DNAH17: variants seen among roughly 807,000 people sequenced by gnomAD.
DNAH17 encodes the protein dynein axonemal heavy chain 17.
In DNAH17, 376 loss-of-function variants were observed where a neutral mutation model predicts 485.6. That is an observed-to-expected ratio of 0.77 (90% CI 0.71 to 0.84). DNAH17 has a LOEUF of 0.84. Among genes scored for constraint, DNAH17 ranks in the 40% least tolerant of loss-of-function variants. The pLI, the probability that DNAH17 is intolerant of heterozygous loss-of-function variation, is 0.00. For synonymous variants in DNAH17, 3,031 were observed against 2,405.9 expected, an observed-to-expected ratio of 1.26 and a Z score of -7.60; for missense variants, 6,370 against 5,839.3, an observed-to-expected ratio of 1.09 and a Z score of -2.96.
chr17:78,427,830 G>A (rs901737731), intron 77 of DNAH17, among the ~76,000 whole-genome samples: 3 of 152,174 alleles, frequency 2.0e-5, no homozygotes, highest in African/African-American at 7.2e-5. Context: ...TTAGCCAGGT[G>A]TGGTGGCAGG....
Position 78,507,629 on chromosome 17 carries a change from C to G in DNAH17, c.4413G>C (p.Glu1471Asp). The change falls in exon 28 of 81, where the codon GAG (glutamate) becomes GAC (aspartate). Residue 1471 changes from glutamate to aspartate, a missense_variant. Transcript: ENST00000389840. ...MSKYLAHFLK[E>D]VTSWQQKLST... ...ACAGCTTCTGCTGCCAGCTTGTCAC[C>G]TCCTTCAGGAAGTGGGCCAGGTACT... 6.2e-7 allele frequency: 1 copy of G among 1,614,144 alleles called. No individual in the cohort carries two copies. The highest frequency in any genetic ancestry group is 8.5e-7 in the Non-Finnish European group (1 of 1,180,026).
intron 19 of DNAH17, 144 bp from the exon 20 acceptor site, chr17:78,532,880 T>C: frequency 9.7e-7 from 1 of 1,032,228 alleles, no homozygotes; most frequent in East Asian, 2.7e-5. Context: ...TTTTCCAGCC[T>C]GGGCCGATCA....
rs1327383156 is a variant in DNAH17 at position 78,450,394 on chromosome 17, C to T, written c.10900G>A (p.Val3634Met). ...KHTASEIEEK[V>M]VEAKITEVKI... ...ACTTCTGTGATTTTTGCCTCCACCACCTCGACACAAACAAAAGGGGTGTGA... is the reference window on the plus strand; with the variant it reads ...ACTTCTGTGATTTTTGCCTCCACCATCTCGACACAAACAAAAGGGGTGTGA... The change falls in exon 68 of 81, where the codon GTG becomes ATG. Residue 3634 changes from valine (V) to methionine (M), a missense_variant and splice_region_variant. Transcript: ENST00000389840. 3.1e-6 allele frequency: 5 copies of T among 1,613,728 alleles called. No individual in the cohort carries two copies. The South Asian group carries it at 5.5e-5, about 18-fold the overall frequency.
At chr17:78,525,219 C>G (rs1427134129) in intron 24 of DNAH17, 58 bp from the exon 25 acceptor site, 56 of 1,576,440 alleles carry the variant, frequency 3.6e-5, no homozygotes, top group Non-Finnish European at 4.6e-5. Flanking sequence ...TGCCCCACCC[C>G]ACTCCCCGAC....
intron 18 of DNAH17, 125 bp downstream of exon 18, chr17:78,539,612 A>G (rs892958386): frequency 7.7e-6 from 7 of 911,972 alleles, no homozygotes; most frequent in African/African-American, 5.2e-5. Context: ...AGTAGATTGC[A>G]TAAGATATAT....
At chr17:78,518,790 T>C (rs1370263331) in intron 25 of DNAH17, among the ~76,000 whole-genome samples, 2 of 152,192 alleles carry the variant, frequency 1.3e-5, no homozygotes, top group African/African-American at 4.8e-5. Flanking sequence ...ATGAAAGTTA[T>C]ATACAGTGTG....
chr17:78,468,902 C>T lies in DNAH17; in HGVS notation c.8512-19G>A, dbSNP rs370594286. ...GGTCAATCTGGACGGAGTGAGGACA[C>T]GCTTAGGGGCCTTGGTAAAAAGATG... is the stretch of plus-strand genomic sequence containing the variant. On this transcript the variant is annotated intron_variant, in intron 54 of 80. Transcript: ENST00000389840. The T allele has an allele frequency of 1.5e-4, 237 of 1,599,694 alleles. No individual in the cohort carries two copies. Among genetic ancestry groups the T allele is most frequent in the East Asian group, 1.1e-3 (51 of 44,664 alleles).
At chr17:78,455,082 G>A (rs1345044840) in intron 63 of DNAH17, among the ~76,000 whole-genome samples, 9 of 152,032 alleles carry the variant, frequency 5.9e-5, no homozygotes, top group South Asian at 4.2e-4. Flanking sequence ...GCTAATTTTC[G>A]TAGTTTTAGT....
chr17:78,439,376 G>A (rs151002310), intron 72 of DNAH17, among the ~76,000 whole-genome samples, 159 bp from the exon 73 acceptor site: 2 of 152,052 alleles, frequency 1.3e-5, no homozygotes, highest in African/African-American at 4.8e-5. Flanking sequence ...CCATCTTAAA[G>A]CGTACAGTGC....
intron 42 of DNAH17, among the ~76,000 whole-genome samples, 198 bp from the exon 43 acceptor site, chr17:78,491,768 T>C (rs1281309823): frequency 6.6e-6 from 1 of 152,114 alleles, no homozygotes; most frequent in African/African-American, 2.4e-5. Context: ...GCCCTCTCCA[T>C]GCCTGAGGCC....
intron 25 of DNAH17, among the ~76,000 whole-genome samples, chr17:78,517,792 TTCTC>T (rs1165160816): frequency 6.6e-6 from 1 of 152,234 alleles, no homozygotes; most frequent in Non-Finnish European, 1.5e-5. Context: ...TACTTCCAGC[TTCTC>T]TCTCTTACAA....
At chr17:78,543,532 C>T (rs906888955) in intron 17 of DNAH17, among the ~76,000 whole-genome samples, 14 of 151,992 alleles carry the variant, frequency 9.2e-5, no homozygotes, top group African/African-American at 3.4e-4. Flanking sequence ...CCTCATGATC[C>T]ACCCGCCTCG....
rs973612092 is a variant in DNAH17 at position 78,494,870 on chromosome 17, C to T, written c.6043-50G>A. On this transcript the variant is annotated intron_variant, in intron 39 of 80. Coordinates refer to ENST00000389840, the MANE Select transcript of DNAH17 (RefSeq NM_173628.4). ...CAGACGTGAGCTCACCTTCCTGTGG[C>T]CAGCAGGCAGGTCTGGAAGCCAACC... 6.4e-6 allele frequency: 10 copies of T among 1,571,808 alleles called. No individual in the cohort carries two copies. The Admixed American group carries it at 1.2e-4, about 19-fold the overall frequency.
At chr17:78,570,888 A>G (rs889688433) in intron 6 of DNAH17, 60 bp downstream of exon 6, 2 of 915,282 alleles carry the variant, frequency 2.2e-6, no homozygotes, top group Non-Finnish European at 3.2e-6. Flanking sequence ...AGAAAAAAGA[A>G]AAGAAAAGAA....
At chr17:78,558,296 G>C in intron 13 of DNAH17, 42 bp from the exon 14 acceptor site, 1 of 1,604,250 alleles carries the variant, frequency 6.2e-7, no homozygotes, top group Non-Finnish European at 8.5e-7. Flanking sequence ...CAGCAGGTCA[G>C]GTCAACAGTG....
intron 30 of DNAH17, 29 bp from the exon 31 acceptor site, chr17:78,505,474 G>C (rs2090457061): frequency 1.2e-6 from 2 of 1,613,422 alleles, no homozygotes; most frequent in African/African-American, 2.7e-5. Context: ...CGGGAATTAT[G>C]CAACGGGGGA....
intron 36 of DNAH17, 29 bp from the exon 37 acceptor site, chr17:78,499,141 A>G: frequency 6.7e-7 from 1 of 1,486,734 alleles, no homozygotes; most frequent in Non-Finnish European, 9.1e-7. Flanking sequence ...AGAAAGGAAG[A>G]GCTGGGAGGG....
At position 78,459,129 on chromosome 17, in the gene DNAH17, A is replaced by AC; in HGVS notation, c.9732dup (p.Cys3245ValfsTer25). 1 of 1,613,994 alleles carries AC rather than the reference A, an allele frequency of 6.2e-7. No individual in the cohort carries two copies. The highest frequency in any genetic ancestry group is 8.5e-7 in the Non-Finnish European group (1 of 1,179,898). ...TCGTAGAAGCGGACGATGTTGATGC[A>AC]CCAGGAGCACAGGCCGGCGGCGGCC... On this transcript the variant is annotated frameshift_variant, in exon 61 of 81. Coordinates refer to ENST00000389840, the MANE Select transcript of DNAH17 (RefSeq NM_173628.4). LOFTEE classifies it high-confidence loss of function.
At position 78,526,879 on chromosome 17, in the gene DNAH17, C is replaced by A. The variant is rs890934736; in HGVS notation, c.3624+1G>T. 6.4e-7 allele frequency: 1 copy of A among 1,570,306 alleles called. No homozygotes were observed. The highest frequency in any genetic ancestry group is 8.6e-7 in the Non-Finnish European group (1 of 1,157,226). On this transcript the variant is annotated splice_donor_variant, in intron 23 of 80. Transcript: ENST00000389840. LOFTEE classifies it high-confidence loss of function. ...CCGCCACCCTGCCCCAGGTATAATACCTCGAATTGCTGGCATTTCCGCCGC... is the reference window on the plus strand; with the variant it reads ...CCGCCACCCTGCCCCAGGTATAATAACTCGAATTGCTGGCATTTCCGCCGC...
Sources: gnomAD v4.1 joint callset for allele counts (sites outside exome capture counted in the v4.1 genomes callset) on GRCh38, gnomAD v4.1.1 for gene constraint, MANE v1.5 for transcripts, NCBI Gene and HGNC (gene_info 2026-07-23, HGNC 2026-07-21) for gene names.